Variants in LSAMP observed in about 807,000 individuals in gnomAD.
The protein encoded by LSAMP is limbic system associated membrane protein.
In LSAMP, 7 loss-of-function variants were observed where a neutral mutation model predicts 38.6. The observed-to-expected ratio is 0.18, with a 90% CI of 0.10 to 0.34. LSAMP has a LOEUF of 0.34. LSAMP is among the 10% of genes least tolerant of loss of function. The pLI, the probability that LSAMP is intolerant of heterozygous loss-of-function variation, is 1.00. For missense variants in LSAMP, 313 were observed against 420.0 expected, an observed-to-expected ratio of 0.75 and a Z score of 2.23; for synonymous variants, 154 against 166.8, an observed-to-expected ratio of 0.92 and a Z score of 0.59.
intron 1 of LSAMP, among the ~76,000 whole-genome samples, chr3:116,218,981 T>G (rs2046252195): frequency 1.3e-5 from 2 of 152,216 alleles, no homozygotes. Flanking sequence ...ATGAGATCCA[T>G]TCTCTTAACA....
chr3:116,007,253 C>T lies in LSAMP; in HGVS notation c.514+12262G>A, dbSNP rs80035894. On this transcript the variant is annotated intron_variant, in intron 3 of 6. Coordinates refer to ENST00000490035, the MANE Select transcript of LSAMP (RefSeq NM_002338.5). ...TTCTGACTTGATGCATGAAATGAAA[C>T]GAAGGCAGGTGACACATAAAGGAAA... Among the ~76,000 whole-genome samples the T allele has an allele frequency of 7.9e-5, 12 of 151,940 alleles. 1 individual carries two copies. In the East Asian group the frequency reaches 1.2e-3, roughly 15 times the overall value.
intron 6 of LSAMP, among the ~76,000 whole-genome samples, chr3:115,836,824 C>T (rs974456572): frequency 3.3e-5 from 5 of 151,800 alleles, no homozygotes; most frequent in Non-Finnish European, 7.4e-5. Context: ...ATTCTGTGAC[C>T]CAGGTTAGAG....
chr3:115,963,943 G>A (rs959913822), intron 3 of LSAMP, among the ~76,000 whole-genome samples: 1 of 152,040 alleles, frequency 6.6e-6, no homozygotes, highest in Non-Finnish European at 1.5e-5. Context: ...TGTAGAGATA[G>A]AGTCTCCCTA....
chr3:116,182,316 T>C (rs1326861796), intron 1 of LSAMP, among the ~76,000 whole-genome samples: 1 of 151,668 alleles, frequency 6.6e-6, no homozygotes, highest in African/African-American at 2.4e-5. Flanking sequence ...TTTTAGAAAT[T>C]AGTTACCTCA....
At chr3:116,379,015 AC>A in intron 1 of LSAMP, among the ~76,000 whole-genome samples, 1 of 151,376 alleles carries the variant, frequency 6.6e-6, no homozygotes, top group Non-Finnish European at 1.5e-5. Context: ...ACACACACAC[AC>A]ACACACACAC....
chr3:115,829,703 T>C (rs1229267047), intron 6 of LSAMP, among the ~76,000 whole-genome samples: 1 of 152,192 alleles, frequency 6.6e-6, no homozygotes, highest in Non-Finnish European at 1.5e-5. Flanking sequence ...CTGTGTGCAA[T>C]TTTGCAGCTC....
intron 3 of LSAMP, among the ~76,000 whole-genome samples, chr3:115,993,764 C>T (rs1225222790): frequency 2.6e-5 from 4 of 151,874 alleles, no homozygotes; most frequent in Admixed American, 6.6e-5. Flanking sequence ...ATCAAGTTTT[C>T]CCCATCTCAT....
chr3:115,806,762 C>T lies in LSAMP; in HGVS notation c.*3555G>A, dbSNP rs78362196. ...GAAAACCCATCTGCTTTTCTATAAG[C>T]CTTAGTTCTTTTAAGACATGGGGAT... is the stretch of plus-strand genomic sequence containing the variant. On this transcript the variant is annotated 3_prime_UTR_variant, in exon 7 of 7. Coordinates refer to ENST00000490035, the MANE Select transcript of LSAMP (RefSeq NM_002338.5). 699 of 152,278 alleles carry T rather than the reference C, an allele frequency of 4.6e-3. 6 individuals are homozygous for T. The highest frequency in any genetic ancestry group is 0.015 in the African/African-American group (619 of 41,546). 9.4% of individuals were successfully genotyped at this position (152,278 alleles called of 1,614,324 possible). A position where few individuals can be genotyped will look rare whatever the true frequency, so the allele number is the denominator to read the frequency against.
At chr3:115,904,723 G>A (rs1042134888) in intron 3 of LSAMP, among the ~76,000 whole-genome samples, 5 of 152,134 alleles carry the variant, frequency 3.3e-5, no homozygotes, top group South Asian at 4.1e-4. Context: ...GAACATCAAC[G>A]TTCCTTCCTC....
intron 1 of LSAMP, among the ~76,000 whole-genome samples, chr3:116,138,319 C>A (rs113718791): frequency 6.3e-4 from 96 of 152,212 alleles, no homozygotes; most frequent in African/African-American, 2.1e-3. Flanking sequence ...ATTCATAATT[C>A]AATCCTCAAC....
At chr3:115,982,931 CTT>C (rs11386123) in intron 3 of LSAMP, among the ~76,000 whole-genome samples, 29,782 of 136,026 alleles carry the variant, frequency 0.22, 3,260 homozygotes, top group African/African-American at 0.3. Context: ...CCTATGGAGA[CTT>C]TTTTTTTTTT....
intron 3 of LSAMP, among the ~76,000 whole-genome samples, chr3:115,904,586 T>C (rs918622792): frequency 1.3e-5 from 2 of 152,272 alleles, no homozygotes; most frequent in Non-Finnish European, 2.9e-5. Context: ...TCCTAACCTG[T>C]GTCCTTGTCC....
chr3:116,170,600 A>G (rs1277077371), intron 1 of LSAMP, among the ~76,000 whole-genome samples: 1 of 152,126 alleles, frequency 6.6e-6, no homozygotes, highest in East Asian at 1.9e-4. Context: ...GTGGCGAATT[A>G]GTTAACTTTT....
At chr3:115,888,912 A>G (rs539042373) in intron 3 of LSAMP, among the ~76,000 whole-genome samples, 45 of 152,014 alleles carry the variant, frequency 3.0e-4, no homozygotes, top group African/African-American at 1.1e-3. Context: ...TCTGAGGAAA[A>G]AGAGACAGCC....
intron 1 of LSAMP, among the ~76,000 whole-genome samples, chr3:116,208,433 G>A (rs552149180): frequency 2.6e-5 from 4 of 152,246 alleles, no homozygotes; most frequent in Admixed American, 6.5e-5. Flanking sequence ...GCTTTGTTCC[G>A]TTGCTGGTGA....
At position 116,445,341 on chromosome 3, in the gene LSAMP, T is replaced by C. The variant is rs1685514579; in HGVS notation, c.-310A>G. The C allele has an allele frequency of 1.8e-6, 1 of 560,226 alleles. No homozygotes were observed. Among genetic ancestry groups the C allele is most frequent in the African/African-American group, 1.9e-5 (1 of 52,750 alleles). The allele number at this position is 560,226 out of a possible 1,614,324, so 34.7% of individuals were successfully genotyped here. ...AGGAAGCCAAAGGAAAGGGTTCTTG[T>C]TTGGTCTCTCTGTGACTGGATGCTC... On this transcript the variant is annotated 5_prime_UTR_variant, in exon 1 of 7. Transcript: ENST00000490035.
intron 1 of LSAMP, among the ~76,000 whole-genome samples, chr3:116,165,079 T>G (rs1348774358): frequency 6.6e-6 from 1 of 152,190 alleles, no homozygotes; most frequent in African/African-American, 2.4e-5. Context: ...CATGCAATGC[T>G]TCATCCAGGT....
intron 3 of LSAMP, among the ~76,000 whole-genome samples, chr3:115,924,067 A>G (rs72955582): frequency 0.057 from 8,659 of 151,992 alleles, 833 homozygotes; most frequent in African/African-American, 0.2. Flanking sequence ...GCAGTTTTGC[A>G]ACTTTAACTT....
chr3:116,303,688 A>G (rs2047444515), intron 1 of LSAMP, among the ~76,000 whole-genome samples: 1 of 152,192 alleles, frequency 6.6e-6, no homozygotes, highest in Admixed American at 6.5e-5. Context: ...AAGTGTACAG[A>G]GAGGTTAATC....
Sources: allele counts gnomAD v4.1 joint callset (sites outside exome capture counted in the v4.1 genomes callset), GRCh38; gene constraint gnomAD v4.1.1; transcripts MANE v1.5; gene names NCBI Gene and HGNC (gene_info 2026-07-23, HGNC 2026-07-21).